KDM4B: variants seen among roughly 807,000 people sequenced by gnomAD.
KDM4B encodes the protein lysine demethylase 4B.
A neutral mutation model predicts 125.2 loss-of-function variants in KDM4B; 32 were observed. That is an observed-to-expected ratio of 0.26 (90% confidence interval 0.19 to 0.34). KDM4B has a LOEUF of 0.34. Ranked by LOEUF, KDM4B falls within the 10% of genes least tolerant of loss-of-function variation. KDM4B has a pLI of 1.00. For missense variants in KDM4B, 1,190 were observed against 1,577.7 expected, an observed-to-expected ratio of 0.75 and a Z score of 4.16; for synonymous variants, 721 against 677.9, an observed-to-expected ratio of 1.06 and a Z score of -0.99.
intron 8 of KDM4B, chr19:5,079,064 C>T (rs1002713550): frequency 2.6e-5 from 4 of 152,160 alleles, no homozygotes; most frequent in African/African-American, 9.7e-5. Context: ...AAACAAGTGA[C>T]TCCCCACACT....
At chr19:4,990,361 A>C (rs1184771963) in intron 1 of KDM4B, among the ~76,000 whole-genome samples, 2 of 152,184 alleles carry the variant, frequency 1.3e-5, no homozygotes, top group Non-Finnish European at 2.9e-5. Flanking sequence ...GGGACTTAGA[A>C]AGGGAGACAC....
In KDM4B at chr19:5,152,447, G is replaced by A. The variant is rs1485581890; in HGVS notation, c.*936G>A. 1 of 152,342 alleles carries A rather than the reference G, an allele frequency of 6.6e-6. No individual in the cohort carries two copies. The highest frequency in any genetic ancestry group is 1.9e-4 in the East Asian group (1 of 5,194). The allele number at this position is 152,342 out of a possible 1,614,324, so 9.4% of individuals were successfully genotyped here. A position where few individuals can be genotyped will look rare whatever the true frequency, so the allele number is the denominator to read the frequency against. On this transcript the variant is annotated 3_prime_UTR_variant, in exon 23 of 23. Coordinates refer to ENST00000159111, the MANE Select transcript of KDM4B (RefSeq NM_015015.3). ...CCCTGCACCTCCTATGGCTCAGGAT[G>A]AGGGAGGCCCCCAGGCCCTTCTGGT...
At chr19:4,989,557 T>G (rs1384422331) in intron 1 of KDM4B, among the ~76,000 whole-genome samples, 1 of 152,050 alleles carries the variant, frequency 6.6e-6, no homozygotes, top group African/African-American at 2.4e-5. Context: ...GCCAGGCTAG[T>G]CTTGAACTCC....
At chr19:5,003,846 A>T (rs73921824) in intron 1 of KDM4B, among the ~76,000 whole-genome samples, 1 of 151,854 alleles carries the variant, frequency 6.6e-6, no homozygotes, top group African/African-American at 2.4e-5. Context: ...GCCTTGGGGA[A>T]CCCCCTCTGT....
intron 3 of KDM4B, among the ~76,000 whole-genome samples, chr19:5,039,017 C>T (rs971036265): frequency 1.3e-5 from 2 of 152,270 alleles, no homozygotes; most frequent in African/African-American, 4.8e-5. Flanking sequence ...TGTCTGGGCT[C>T]CAACCCCTGT....
intron 1 of KDM4B, among the ~76,000 whole-genome samples, chr19:4,970,072 C>T (rs956428346): frequency 1.3e-5 from 2 of 152,030 alleles, no homozygotes; most frequent in East Asian, 1.9e-4. Context: ...GAGCTGGGGA[C>T]GGACTCGCTC....
chr19:5,028,649 C>T (rs969066366), intron 2 of KDM4B, among the ~76,000 whole-genome samples: 1 of 152,192 alleles, frequency 6.6e-6, no homozygotes. Context: ...CAGGAGCTGC[C>T]AAGCTGTCTT....
intron 1 of KDM4B, among the ~76,000 whole-genome samples, chr19:5,003,138 G>T (rs1170901900): frequency 1.3e-5 from 2 of 152,170 alleles, no homozygotes; most frequent in African/African-American, 4.8e-5. Flanking sequence ...GCGAGGTGGG[G>T]ACCTCACTTT....
At chr19:5,002,430 TCTA>T (rs1489756505) in intron 1 of KDM4B, among the ~76,000 whole-genome samples, 1 of 149,400 alleles carries the variant, frequency 6.7e-6, no homozygotes, top group Non-Finnish European at 1.5e-5. Flanking sequence ...CTCCTTTCTC[TCTA>T]CTTTCTCTCC....
intron 1 of KDM4B, among the ~76,000 whole-genome samples, chr19:4,988,772 C>T (rs1185003636): frequency 1.3e-5 from 2 of 152,206 alleles, no homozygotes; most frequent in Non-Finnish European, 2.9e-5. Flanking sequence ...AACCTCCACG[C>T]ATTCATCTGT....
chr19:5,056,420 T>G (rs1184445620), intron 6 of KDM4B, among the ~76,000 whole-genome samples: 2 of 151,300 alleles, frequency 1.3e-5, no homozygotes. Flanking sequence ...TTTTTTTTTT[T>G]TTTGAGATGG....
intron 3 of KDM4B, among the ~76,000 whole-genome samples, chr19:5,039,078 G>T (rs1232907616): frequency 6.6e-6 from 1 of 152,250 alleles, no homozygotes; most frequent in Non-Finnish European, 1.5e-5. Context: ...AGTGGGTGCA[G>T]TTCTCACTTC....
chr19:5,137,188 T>TC (rs113545259), intron 15 of KDM4B, 74 bp from the exon 16 acceptor site: 85,029 of 1,025,822 alleles, frequency 0.083, 4,064 homozygotes, highest in East Asian at 0.16. Context: ...ACCCGGCCCC[T>TC]CCCCCTGAGT....
intron 9 of KDM4B, among the ~76,000 whole-genome samples, chr19:5,097,649 G>A (rs2038853237): frequency 6.6e-6 from 1 of 152,254 alleles, no homozygotes; most frequent in South Asian, 2.1e-4. Flanking sequence ...AGGGACCGTA[G>A]GATGTCATTG....
intron 11 of KDM4B, among the ~76,000 whole-genome samples, chr19:5,122,230 T>C (rs1272143995): frequency 2.0e-5 from 3 of 152,144 alleles, no homozygotes; most frequent in Non-Finnish European, 2.9e-5. Flanking sequence ...TCAGAGCCCC[T>C]TCCTCCTCCT....
intron 8 of KDM4B, chr19:5,077,695 C>G: frequency 1.9e-6 from 1 of 533,498 alleles, no homozygotes; most frequent in Non-Finnish European, 3.3e-6. Context: ...TTAACCTCCC[C>G]TCCCAAACCA....
chr19:4,978,456 G>A (rs1320205762), intron 1 of KDM4B, among the ~76,000 whole-genome samples: 1 of 123,950 alleles, frequency 8.1e-6, no homozygotes, highest in African/African-American at 3.1e-5. Context: ...GCAGTGAGCT[G>A]AGATCACGCC....
chr19:5,059,896 G>A (rs755128150), intron 6 of KDM4B, among the ~76,000 whole-genome samples: 2 of 152,212 alleles, frequency 1.3e-5, no homozygotes, highest in Non-Finnish European at 2.9e-5. Flanking sequence ...ACGCCCCACT[G>A]CCTCTCCGGG....
At chr19:5,054,081 C>T (rs1029700309) in intron 6 of KDM4B, among the ~76,000 whole-genome samples, 9 of 152,314 alleles carry the variant, frequency 5.9e-5, no homozygotes, top group African/African-American at 1.4e-4. Flanking sequence ...GCTCAGCTCT[C>T]CTAGCTTTAT....
Sources: allele counts gnomAD v4.1 joint callset (sites outside exome capture counted in the v4.1 genomes callset), GRCh38; gene constraint gnomAD v4.1.1; transcripts MANE v1.5; gene names NCBI Gene and HGNC (gene_info 2026-07-23, HGNC 2026-07-21).